The following PALLD variants were observed in gnomAD, a reference collection of about 807,000 sequenced individuals.
The protein encoded by PALLD is palladin, cytoskeletal associated protein.
Under a neutral mutation model 123.5 loss-of-function variants are expected in PALLD, and 61 were observed. The observed-to-expected ratio is 0.49, with a 90% CI of 0.40 to 0.61. The LOEUF (loss-of-function observed/expected upper bound fraction) is 0.61, where lower values mean the gene tolerates loss of function less well. Among genes scored for constraint, PALLD ranks in the 20% least tolerant of loss-of-function variants. PALLD has a pLI of 0.00. For synonymous variants in PALLD, 465 were observed against 496.4 expected (o/e 0.94, Z 0.84); for missense variants, 1,273 against 1,377.0 (o/e 0.92, Z 1.20).
Position 168,784,785 on chromosome 4 carries a change from G to A in PALLD, c.1964+72862G>A, listed in dbSNP as rs116194597. 6.5e-3 allele frequency among the ~76,000 whole-genome samples: 985 copies of A among 152,320 alleles called. 12 individuals carry two copies. The highest frequency in any genetic ancestry group is 0.022 in the African/African-American group (935 of 41,560). Reference sequence around the variant, plus strand: ...ATGTGAGTTTCATAGCAGGAAGAGCGTGAAGTTGTTAAGTGCACAGTAGTC... The same window carrying A: ...ATGTGAGTTTCATAGCAGGAAGAGCATGAAGTTGTTAAGTGCACAGTAGTC... On this transcript the variant is annotated intron_variant, in intron 10 of 21. Transcript: ENST00000505667.
At chr4:168,668,981 A>C (rs1244127283) in intron 3 of PALLD, among the ~76,000 whole-genome samples, 1 of 152,204 alleles carries the variant, frequency 6.6e-6, no homozygotes, top group Non-Finnish European at 1.5e-5. Context: ...TCAAAGTATT[A>C]TATTTTACAT....
chr4:168,734,863 G>A (rs925381453), intron 10 of PALLD, among the ~76,000 whole-genome samples: 1 of 152,088 alleles, frequency 6.6e-6, no homozygotes, highest in Admixed American at 6.6e-5. Context: ...GTTCAAGGTT[G>A]CAGTGAGCTA....
At position 168,925,293 on chromosome 4, in the gene PALLD, C is replaced by G. The variant is rs141044248; in HGVS notation, c.*32+15C>G. ...CAAATACCCAAGTATCATTCAGGAACTTTGAATTATTAGCAAAATATGCAT... is the reference window on the plus strand; with the variant it reads ...CAAATACCCAAGTATCATTCAGGAAGTTTGAATTATTAGCAAAATATGCAT... On this transcript the variant is annotated intron_variant, in intron 21 of 21. Transcript: ENST00000505667. 223 of 1,586,332 alleles carry G rather than the reference C, an allele frequency of 1.4e-4. No individual in the cohort carries two copies. Among genetic ancestry groups the G allele is most frequent in the Non-Finnish European group, 1.8e-4 (213 of 1,154,802 alleles).
At chr4:168,497,628 A>G (rs1257076257) in intron 1 of PALLD, among the ~76,000 whole-genome samples, 1 of 152,266 alleles carries the variant, frequency 6.6e-6, no homozygotes, top group African/African-American at 2.4e-5. Context: ...CTTAGATTTC[A>G]GTAACATTAT....
chr4:168,824,645 A>G (rs1182233355), intron 10 of PALLD, among the ~76,000 whole-genome samples: 1 of 151,892 alleles, frequency 6.6e-6, no homozygotes, highest in African/African-American at 2.4e-5. Flanking sequence ...ATTTACGACT[A>G]TGGAAATCTT....
At chr4:168,828,415 A>C (rs1411251370) in intron 10 of PALLD, among the ~76,000 whole-genome samples, 1 of 152,202 alleles carries the variant, frequency 6.6e-6, no homozygotes, top group East Asian at 1.9e-4. Context: ...AATCATATCT[A>C]CTTTATAAAA....
intron 8 of PALLD, among the ~76,000 whole-genome samples, chr4:168,695,951 A>G (rs185485130): frequency 6.6e-5 from 10 of 152,284 alleles, no homozygotes; most frequent in Non-Finnish European, 1.2e-4. Context: ...GGAGTGTCCA[A>G]TCTTTTGAAT....
At chr4:168,702,936 T>C (rs1783825904) in intron 8 of PALLD, among the ~76,000 whole-genome samples, 1 of 150,046 alleles carries the variant, frequency 6.7e-6, no homozygotes, top group Non-Finnish European at 1.5e-5. Flanking sequence ...ACTTTAAGTT[T>C]TAGGGTACAT....
intron 8 of PALLD, among the ~76,000 whole-genome samples, chr4:168,705,199 T>C (rs1407791655): frequency 1.3e-5 from 2 of 152,098 alleles, no homozygotes; most frequent in African/African-American, 4.8e-5. Flanking sequence ...GCTTTTGGAG[T>C]TGGAATAGAC....
intron 10 of PALLD, among the ~76,000 whole-genome samples, chr4:168,718,704 G>A (rs763030113): frequency 2.6e-5 from 4 of 152,000 alleles, no homozygotes; most frequent in Non-Finnish European, 5.9e-5. Flanking sequence ...AAATATATAC[G>A]TATATATAAA....
intron 2 of PALLD, among the ~76,000 whole-genome samples, chr4:168,520,837 G>A (rs1396069435): frequency 6.6e-6 from 1 of 152,162 alleles, no homozygotes; most frequent in East Asian, 1.9e-4. Context: ...TGATACCTTA[G>A]TGAACCAAGA....
At chr4:168,709,308 G>A (rs1324930841) in intron 9 of PALLD, among the ~76,000 whole-genome samples, 161 bp downstream of exon 9, 8 of 151,646 alleles carry the variant, frequency 5.3e-5, no homozygotes, top group Admixed American at 5.3e-4. Context: ...TGAAGAGTTC[G>A]AGACCAGCCT....
intron 3 of PALLD, among the ~76,000 whole-genome samples, chr4:168,679,561 G>T (rs1292869233): frequency 6.6e-6 from 1 of 151,462 alleles, no homozygotes; most frequent in Non-Finnish European, 1.5e-5. Context: ...GGTGGGGTGT[G>T]TGTGTGTGTC....
chr4:168,755,241 A>G (rs1366117372), intron 10 of PALLD, among the ~76,000 whole-genome samples: 1 of 152,042 alleles, frequency 6.6e-6, no homozygotes, highest in East Asian at 1.9e-4. Flanking sequence ...TCAAAAAAAA[A>G]AAAAAAAAAA....
chr4:168,538,261 AG>A (rs1765274056), intron 2 of PALLD, among the ~76,000 whole-genome samples: 3 of 152,280 alleles, frequency 2.0e-5, no homozygotes, highest in Middle Eastern at 3.4e-3. Flanking sequence ...AATTATTCTG[AG>A]TAAGTAAACA....
intron 10 of PALLD, among the ~76,000 whole-genome samples, chr4:168,785,887 G>A (rs6553101): frequency 0.55 from 65,677 of 119,748 alleles, 18,602 homozygotes; most frequent in Non-Finnish European, 0.62. Context: ...AGCATTTTAA[G>A]CCCAACTTGA....
At chr4:168,828,568 T>A (rs909569351) in intron 10 of PALLD, among the ~76,000 whole-genome samples, 6 of 152,280 alleles carry the variant, frequency 3.9e-5, no homozygotes, top group African/African-American at 9.6e-5. Context: ...CTTTAGTGAA[T>A]ACTGTTGGTT....
At chr4:168,800,524 A>G (rs1330540115) in intron 10 of PALLD, among the ~76,000 whole-genome samples, 2 of 152,196 alleles carry the variant, frequency 1.3e-5, no homozygotes, top group Non-Finnish European at 2.9e-5. Flanking sequence ...AATCTCATTA[A>G]GTAATAAGAA....
chr4:168,808,547 C>T (rs1370453090), intron 10 of PALLD, among the ~76,000 whole-genome samples: 1 of 152,192 alleles, frequency 6.6e-6, no homozygotes, highest in African/African-American at 2.4e-5. Context: ...AGAGGAAGCA[C>T]ATCCAGAGAA....
Sources: gnomAD v4.1 joint callset for allele counts (sites outside exome capture counted in the v4.1 genomes callset) on GRCh38, gnomAD v4.1.1 for gene constraint, MANE v1.5 for transcripts, NCBI Gene and HGNC (gene_info 2026-07-23, HGNC 2026-07-21) for gene names.